The following MACROH2A1 variants were observed in gnomAD, a reference collection of about 807,000 sequenced individuals.
MACROH2A1 encodes macroH2A.1 histone.
Under a neutral mutation model 31.6 loss-of-function variants are expected in MACROH2A1, and 2 were observed. That is an observed-to-expected ratio of 0.06 (90% CI 0.03 to 0.20). The LOEUF is 0.20. MACROH2A1 is among the 10% of genes least tolerant of loss of function. The pLI is 1.00. For synonymous variants in MACROH2A1, 169 were observed against 189.6 expected (o/e 0.89, Z 0.89); for missense variants, 230 against 474.0 (o/e 0.49, Z 4.78).
chr5:135,351,034 G>A lies in MACROH2A1; in HGVS notation c.688+1912C>T, dbSNP rs1239849682. 1.1e-5 allele frequency: 7 copies of A among 660,830 alleles called. No individual in the cohort carries two copies. In the Admixed American group the frequency reaches 1.5e-4, roughly 14 times the overall value. 40.9% of individuals were successfully genotyped at this position (660,830 alleles called of 1,614,324 possible). ...GGTCGATTCCAACATATGAGCCCAA[G>A]GGGCAATCAGTCCACGCAGTGTGCG... On this transcript the variant is annotated intron_variant, in intron 6 of 8. Coordinates refer to ENST00000511689, the MANE Select transcript of MACROH2A1 (RefSeq NM_138610.3).
chr5:135,345,384 TCC>T, intron 7 of MACROH2A1: 1 of 152,286 alleles, frequency 6.6e-6, no homozygotes, highest in East Asian at 1.9e-4. Flanking sequence ...GAGCTGGGCC[TCC>T]CCACTGACTG....
chr5:135,375,961 C>T (rs1274405113), intron 2 of MACROH2A1, among the ~76,000 whole-genome samples: 1 of 152,130 alleles, frequency 6.6e-6, no homozygotes, highest in Non-Finnish European at 1.5e-5. Context: ...TCCTCCAATT[C>T]CCTTGGTGGC....
At chr5:135,375,814 TTTCGA>T (rs1272345074) in intron 2 of MACROH2A1, among the ~76,000 whole-genome samples, 1 of 152,254 alleles carries the variant, frequency 6.6e-6, no homozygotes, top group Admixed American at 6.5e-5. Flanking sequence ...ATTGTATTTC[TTTCGA>T]TTCATCATCC....
rs537842566 is a variant in MACROH2A1 at position 135,367,262 on chromosome 5, G to A, written c.477+2144C>T. On this transcript the variant is annotated intron_variant, in intron 4 of 8. Coordinates refer to ENST00000511689, the MANE Select transcript of MACROH2A1 (RefSeq NM_138610.3). ...AATGTTTTGAAAATTAGCTGTTCAC[G>A]GTTCCAATTTCAGCTTCCCCCAGGG... Among the ~76,000 whole-genome samples the A allele has an allele frequency of 1.4e-4, 22 of 152,214 alleles. No homozygotes were observed. In the South Asian group the frequency reaches 4.4e-3, roughly 30 times the overall value.
chr5:135,358,038 A>G (rs1762388677), intron 5 of MACROH2A1: 1 of 983,088 alleles, frequency 1.0e-6, no homozygotes, highest in Non-Finnish European at 1.2e-6. Flanking sequence ...TCACCATTCT[A>G]AAGTACCCCT....
chr5:135,388,712 T>G (rs1019524478), intron 2 of MACROH2A1, among the ~76,000 whole-genome samples: 2 of 152,218 alleles, frequency 1.3e-5, no homozygotes, highest in African/African-American at 4.8e-5. Context: ...TATGCCTGCA[T>G]GCACACACAC....
intron 8 of MACROH2A1, among the ~76,000 whole-genome samples, chr5:135,337,379 C>T (rs1192817860): frequency 2.0e-5 from 3 of 152,254 alleles, no homozygotes; most frequent in Non-Finnish European, 4.4e-5. Context: ...CATGCCATGC[C>T]ATGCTGACTG....
chr5:135,335,544 G>T, intron 8 of MACROH2A1, among the ~76,000 whole-genome samples: 1 of 152,132 alleles, frequency 6.6e-6, no homozygotes, highest in East Asian at 1.9e-4. Flanking sequence ...ATGGCTGCAG[G>T]TTCTCTGGGA....
At chr5:135,358,555 C>T (rs1762451715) in intron 5 of MACROH2A1, 9 of 985,212 alleles carry the variant, frequency 9.1e-6, no homozygotes, top group Non-Finnish European at 1.1e-5. Flanking sequence ...TACATTCAGC[C>T]CCTCTTATGG....
intron 5 of MACROH2A1, chr5:135,358,777 T>C (rs1003658635): frequency 2.0e-6 from 2 of 979,572 alleles, no homozygotes; most frequent in South Asian, 9.4e-5. Context: ...CAACTCTGAG[T>C]AGGGAACAGT....
At chr5:135,370,514 A>T (rs1193078845) in intron 2 of MACROH2A1, among the ~76,000 whole-genome samples, 2 of 150,668 alleles carry the variant, frequency 1.3e-5, no homozygotes, top group Non-Finnish European at 2.9e-5. Flanking sequence ...CAAAGTCCTC[A>T]GTGTGGTCCC....
At chr5:135,388,345 G>A (rs902299936) in intron 2 of MACROH2A1, among the ~76,000 whole-genome samples, 1 of 152,164 alleles carries the variant, frequency 6.6e-6, no homozygotes, top group Admixed American at 6.5e-5. Context: ...CACGTCAGGT[G>A]CCTCCCGACG....
At chr5:135,336,230 A>T (rs1263193257) in intron 8 of MACROH2A1, among the ~76,000 whole-genome samples, 4 of 152,182 alleles carry the variant, frequency 2.6e-5, no homozygotes, top group Non-Finnish European at 4.4e-5. Context: ...CACTCACTGC[A>T]TGCCTGTGCA....
At chr5:135,378,432 C>T (rs1281433820) in intron 2 of MACROH2A1, among the ~76,000 whole-genome samples, 1 of 152,226 alleles carries the variant, frequency 6.6e-6, no homozygotes, top group Admixed American at 6.5e-5. Flanking sequence ...CTTGCAGGAC[C>T]CCTGTCCTCC....
At chr5:135,391,791 C>T (rs554902903) in intron 1 of MACROH2A1, among the ~76,000 whole-genome samples, 16 of 152,312 alleles carry the variant, frequency 1.1e-4, no homozygotes, top group East Asian at 3.9e-4. Flanking sequence ...TCTGCTGAAC[C>T]GCCTGCAGAA....
chr5:135,375,632 G>C (rs1376285295), intron 2 of MACROH2A1, among the ~76,000 whole-genome samples: 1 of 152,178 alleles, frequency 6.6e-6, no homozygotes, highest in Admixed American at 6.5e-5. Flanking sequence ...CTTGCAATAG[G>C]AAAGAGTCAG....
chr5:135,360,261 G>A, intron 5 of MACROH2A1: 1 of 562,442 alleles, frequency 1.8e-6, no homozygotes, highest in Non-Finnish European at 3.2e-6. Flanking sequence ...GGAGCTGCCT[G>A]CCCTCTTCTT....
chr5:135,360,616 G>A lies in MACROH2A1; in HGVS notation c.478-9C>T. ...ACTTCACCCTGCTTCTTCTTGCACAGACGGAAGGGTCAGAATGTGGGCCAC... is the reference window on the plus strand; with the variant it reads ...ACTTCACCCTGCTTCTTCTTGCACAAACGGAAGGGTCAGAATGTGGGCCAC... On this transcript the variant is annotated splice_polypyrimidine_tract_variant and intron_variant, in intron 4 of 8. Transcript: ENST00000511689. 1.3e-6 allele frequency: 2 copies of A among 1,596,914 alleles called. No homozygotes were observed. The highest frequency in any genetic ancestry group is 8.6e-7 in the Non-Finnish European group (1 of 1,164,358).
In MACROH2A1 at chr5:135,391,091, T is replaced by C. The variant is rs7732742; in HGVS notation, c.-33-1965A>G. On this transcript the variant is annotated intron_variant, in intron 1 of 8. Coordinates refer to ENST00000511689, the MANE Select transcript of MACROH2A1 (RefSeq NM_138610.3). ...CCCTTCCTTGCTGCAATGAACTCCA[T>C]TTTAAAACATTCCTTGCAAAAAGGT... Among the ~76,000 whole-genome samples the C allele has an allele frequency of 8.9e-3, 1,362 of 152,264 alleles. 20 individuals carry two copies. Among genetic ancestry groups the C allele is most frequent in the African/African-American group, 0.032 (1,310 of 41,520 alleles).
Sources: gnomAD v4.1 joint callset for allele counts (sites outside exome capture counted in the v4.1 genomes callset) on GRCh38, gnomAD v4.1.1 for gene constraint, MANE v1.5 for transcripts, NCBI Gene and HGNC (gene_info 2026-07-23, HGNC 2026-07-21) for gene names.